SORCS1: variants seen among roughly 807,000 people sequenced by gnomAD.
The protein encoded by SORCS1 is VPS10 domain-containing receptor SorCS1.
SORCS1 carries 60 observed loss-of-function variants against 146.1 expected under a neutral mutation model. The observed-to-expected ratio is 0.41, with a 90% CI of 0.33 to 0.51. The LOEUF (loss-of-function observed/expected upper bound fraction) is 0.51. Ranked by LOEUF, SORCS1 falls within the 20% of genes least tolerant of loss-of-function variation. The probability of loss-of-function intolerance (pLI) is 0.21; values close to 1 mark genes in which losing one functional copy is unlikely to be tolerated. For synonymous variants in SORCS1, 637 were observed against 584.0 expected, an observed-to-expected ratio of 1.09 and a Z score of -1.31; for missense variants, 1,352 against 1,487.6, an observed-to-expected ratio of 0.91 and a Z score of 1.50.
At chr10:107,021,900 A>T (rs1958163541) in intron 1 of SORCS1, among the ~76,000 whole-genome samples, 1 of 152,212 alleles carries the variant, frequency 6.6e-6, no homozygotes, top group African/African-American at 2.4e-5. Flanking sequence ...AATACTTTAT[A>T]TTAAGATTTT....
intron 3 of SORCS1, among the ~76,000 whole-genome samples, chr10:106,786,940 T>C (rs1790353151): frequency 6.6e-6 from 1 of 152,186 alleles, no homozygotes; most frequent in South Asian, 2.1e-4. Context: ...GGTAAGTGTA[T>C]TTATTGAAGA....
chr10:106,672,890 C>G lies in SORCS1; in HGVS notation c.2036G>C (p.Arg679Thr), dbSNP rs1851715369. 2 of 1,614,102 alleles carry G rather than the reference C, an allele frequency of 1.2e-6. No individual in the cohort carries two copies. The highest frequency in any genetic ancestry group is 1.7e-6 in the Non-Finnish European group (2 of 1,179,976). ...FDRRCAEEDY[R>T]PWQLHSQGEA... is the part of the protein sequence containing the mutation. Reference sequence around the variant, plus strand: ...TACCTGGCTGTGCAGCTGCCAAGGTCTGTAGTCCTCTTCGGCACACCGTCT... The same window carrying G: ...TACCTGGCTGTGCAGCTGCCAAGGTGTGTAGTCCTCTTCGGCACACCGTCT... The change falls in exon 15 of 26, where the codon AGA becomes ACA. Residue 679 changes from arginine (R) to threonine (T), a missense_variant. Physicochemically the swap from Arg to Thr is moderately conservative, Grantham distance 71. Around this residue, in one of 3 missense-constraint regions of SORCS1, gnomAD observed 648 missense variants for 793.8 expected, o/e 0.82. Transcript: ENST00000263054.
intron 3 of SORCS1, among the ~76,000 whole-genome samples, chr10:106,803,238 G>C (rs1269946029): frequency 1.3e-5 from 2 of 152,176 alleles, no homozygotes; most frequent in Non-Finnish European, 2.9e-5. Flanking sequence ...GTTCAAGAAT[G>C]AGGGTAGTAT....
At chr10:106,715,379 T>A (rs1855289035) in intron 6 of SORCS1, among the ~76,000 whole-genome samples, 1 of 152,208 alleles carries the variant, frequency 6.6e-6, no homozygotes, top group South Asian at 2.1e-4. Flanking sequence ...AGCTGCTGCT[T>A]AGAATAATGC....
intron 1 of SORCS1, among the ~76,000 whole-genome samples, chr10:107,025,305 A>G (rs961085660): frequency 6.6e-6 from 1 of 152,236 alleles, no homozygotes; most frequent in Non-Finnish European, 1.5e-5. Context: ...AAAGTCTGAA[A>G]GAAGGAATCA....
chr10:106,682,864 C>T (rs1412857266), intron 10 of SORCS1, among the ~76,000 whole-genome samples: 1 of 152,170 alleles, frequency 6.6e-6, no homozygotes, highest in African/African-American at 2.4e-5. Context: ...TAGAAATGTA[C>T]ACCCAAACCA....
intron 1 of SORCS1, among the ~76,000 whole-genome samples, chr10:107,157,025 T>C (rs1487361342): frequency 6.6e-6 from 1 of 152,234 alleles, no homozygotes; most frequent in Admixed American, 6.5e-5. Flanking sequence ...GCTCCTTGTT[T>C]TGAAGCCCAA....
intron 2 of SORCS1, among the ~76,000 whole-genome samples, chr10:106,944,514 T>C (rs1320284048): frequency 6.6e-6 from 1 of 152,202 alleles, no homozygotes; most frequent in Non-Finnish European, 1.5e-5. Context: ...ACTATGGCAC[T>C]TGACATACTG....
At chr10:107,025,170 A>G (rs1046254910) in intron 1 of SORCS1, among the ~76,000 whole-genome samples, 1 of 152,250 alleles carries the variant, frequency 6.6e-6, no homozygotes, top group Non-Finnish European at 1.5e-5. Flanking sequence ...TTGCTTAGGT[A>G]GTAAAAAGTA....
intron 2 of SORCS1, among the ~76,000 whole-genome samples, chr10:106,840,883 G>T (rs1215699635): frequency 6.9e-6 from 1 of 144,128 alleles, no homozygotes; most frequent in Non-Finnish European, 1.5e-5. Context: ...TTTGGATGGA[G>T]TCTTGCTCTG....
intron 2 of SORCS1, among the ~76,000 whole-genome samples, chr10:106,928,796 G>C (rs1953228359): frequency 6.6e-6 from 1 of 152,052 alleles, no homozygotes; most frequent in Non-Finnish European, 1.5e-5. Flanking sequence ...CTCAAAAGGG[G>C]AAAAGGAATT....
At chr10:106,727,272 C>T (rs79425372) in intron 6 of SORCS1, among the ~76,000 whole-genome samples, 2,436 of 152,168 alleles carry the variant, frequency 0.016, 38 homozygotes, top group Non-Finnish European at 0.025. Context: ...ACTGGTCAGC[C>T]GGGTATGCCA....
chr10:106,951,811 G>A (rs923825180), intron 2 of SORCS1, among the ~76,000 whole-genome samples: 1 of 152,112 alleles, frequency 6.6e-6, no homozygotes, highest in Non-Finnish European at 1.5e-5. Flanking sequence ...AGACTTGCCT[G>A]AGGTCATAGT....
chr10:107,139,717 C>T (rs542133554), intron 1 of SORCS1, among the ~76,000 whole-genome samples: 5 of 152,288 alleles, frequency 3.3e-5, no homozygotes, highest in Admixed American at 2.6e-4. Flanking sequence ...TTGGCAAGCT[C>T]TTCACTGAAC....
intron 5 of SORCS1, among the ~76,000 whole-genome samples, chr10:106,754,557 C>A (rs1262614394): frequency 6.6e-6 from 1 of 152,070 alleles, no homozygotes; most frequent in East Asian, 1.9e-4. Context: ...ACGATATATG[C>A]AAAATACTTA....
chr10:107,050,073 T>G (rs925180566), intron 1 of SORCS1, among the ~76,000 whole-genome samples: 1 of 152,218 alleles, frequency 6.6e-6, no homozygotes, highest in African/African-American at 2.4e-5. Context: ...AACATGATCC[T>G]GTGAGAAAAG....
chr10:107,138,380 A>G (rs1967519380), intron 1 of SORCS1, among the ~76,000 whole-genome samples: 2 of 152,190 alleles, frequency 1.3e-5, no homozygotes, highest in Admixed American at 6.5e-5. Context: ...ACGAGGATCT[A>G]TCTGTCCAAA....
intron 21 of SORCS1, among the ~76,000 whole-genome samples, chr10:106,616,946 CTCTT>C (rs202060908): frequency 0.017 from 144 of 8,462 alleles, no homozygotes; most frequent in South Asian, 0.14. Context: ...CTCTCTCTTG[CTCTT>C]TCTTTTTTTT....
At chr10:106,935,956 A>T (rs997704792) in intron 2 of SORCS1, among the ~76,000 whole-genome samples, 1 of 152,224 alleles carries the variant, frequency 6.6e-6, no homozygotes, top group African/African-American at 2.4e-5. Context: ...AAACTTGAGA[A>T]TTAAATTTAA....
Sources: allele counts gnomAD v4.1 joint callset (sites outside exome capture counted in the v4.1 genomes callset), GRCh38; gene constraint gnomAD v4.1.1; regional missense constraint gnomAD v4.1.1; transcripts MANE v1.5; gene names NCBI Gene and HGNC (gene_info 2026-07-23, HGNC 2026-07-21).